The following PDE1A variants were observed in gnomAD, a reference collection of about 807,000 sequenced individuals.
PDE1A encodes dual specificity calcium/calmodulin-dependent 3',5'-cyclic nucleotide phosphodiesterase 1A.
A neutral mutation model predicts 61.7 loss-of-function variants in PDE1A; 35 were observed. The ratio of observed to expected loss-of-function variants is 0.57; its 90% CI spans 0.43 to 0.75. The LOEUF is 0.75. Ranked by LOEUF, PDE1A falls within the 30% of genes least tolerant of loss-of-function variation. The probability of loss-of-function intolerance (pLI) is 0.00; values close to 1 mark genes in which losing one functional copy is unlikely to be tolerated. For missense variants in PDE1A, 597 were observed against 630.6 expected (o/e 0.95, Z 0.57); for synonymous variants, 232 against 213.2 (o/e 1.09, Z -0.77).
intron 1 of PDE1A, among the ~76,000 whole-genome samples, chr2:182,300,766 G>T (rs1020026186): frequency 5.3e-5 from 8 of 152,140 alleles, no homozygotes; most frequent in African/African-American, 1.9e-4. Context: ...AGAATTACAC[G>T]TCTAGTAGGA....
chr2:182,543,102 G>C, the PDE1A span, among the ~76,000 whole-genome samples: 10 of 152,150 alleles, frequency 6.6e-5, no homozygotes, highest in Non-Finnish European at 1.2e-4. Context: ...GTGGGCACTG[G>C]AAAGGGTAGC....
chr2:182,396,740 G>A (rs1171902165), intron 1 of PDE1A, among the ~76,000 whole-genome samples: 1 of 152,166 alleles, frequency 6.6e-6, no homozygotes, highest in Non-Finnish European at 1.5e-5. Flanking sequence ...AAGGATAGCT[G>A]TATTATGTTA....
intron 2 of PDE1A, among the ~76,000 whole-genome samples, chr2:182,506,146 A>T (rs181603185): frequency 6.6e-6 from 1 of 152,168 alleles, no homozygotes; most frequent in East Asian, 1.9e-4. Context: ...TCTATATAAA[A>T]TTTTTCCTTT....
At chr2:182,519,608 G>C (rs1430991134) in intron 2 of PDE1A, among the ~76,000 whole-genome samples, 1 of 151,700 alleles carries the variant, frequency 6.6e-6, no homozygotes, top group Non-Finnish European at 1.5e-5. Flanking sequence ...CTCAATAAAA[G>C]AAAACAAAAA....
In PDE1A at chr2:182,200,535, G is replaced by A. The variant is rs75141789; in HGVS notation, c.1125+904C>T. Among the ~76,000 whole-genome samples the A allele has an allele frequency of 3.7e-4, 56 of 152,308 alleles. No individual in the cohort carries two copies. In the East Asian group the frequency reaches 9.3e-3, roughly 25 times the overall value. Reference sequence around the variant, plus strand: ...GTACTCGCTAACTCCACTGGAAATAGCAAGGAAGCTCTGCATCCAAGACCC... The same window carrying A: ...GTACTCGCTAACTCCACTGGAAATAACAAGGAAGCTCTGCATCCAAGACCC... On this transcript the variant is annotated intron_variant, in intron 10 of 13. Coordinates refer to ENST00000351439, the Ensembl canonical transcript of PDE1A.
chr2:182,344,020 G>A (rs1698363889), intron 1 of PDE1A, among the ~76,000 whole-genome samples: 1 of 151,914 alleles, frequency 6.6e-6, no homozygotes, highest in East Asian at 1.9e-4. Context: ...ACAGGCACAC[G>A]CCACCATGCC....
At chr2:182,447,202 T>G (rs936458769) in intron 2 of PDE1A, among the ~76,000 whole-genome samples, 5 of 151,876 alleles carry the variant, frequency 3.3e-5, no homozygotes, top group Admixed American at 6.6e-5. Flanking sequence ...CTTTATAAAT[T>G]TTCATGTTCC....
intron 2 of PDE1A, among the ~76,000 whole-genome samples, chr2:182,436,856 C>T (rs1005355056): frequency 6.6e-6 from 1 of 151,970 alleles, no homozygotes; most frequent in Non-Finnish European, 1.5e-5. Context: ...TGATGCTGAC[C>T]TCTTTGTTCT....
At chr2:182,344,652 G>A (rs1199403338) in intron 1 of PDE1A, among the ~76,000 whole-genome samples, 1 of 152,106 alleles carries the variant, frequency 6.6e-6, no homozygotes, top group South Asian at 2.1e-4. Context: ...AAAACTGCTT[G>A]CATCTTTAAA....
chr2:182,483,959 C>CTA (rs1247003039), intron 2 of PDE1A, among the ~76,000 whole-genome samples: 6 of 150,874 alleles, frequency 4.0e-5, no homozygotes, highest in Non-Finnish European at 8.9e-5. Flanking sequence ...ATTAAAAGAA[C>CTA]TATAAGAGAA....
At chr2:182,262,955 A>ATG (rs60469609) in intron 2 of PDE1A, among the ~76,000 whole-genome samples, 2,397 of 147,238 alleles carry the variant, frequency 0.016, 32 homozygotes, top group South Asian at 0.047. Flanking sequence ...TTATTAAACA[A>ATG]TGTGTGTGTG....
chr2:182,177,848 A>G (rs931413944), intron 13 of PDE1A, among the ~76,000 whole-genome samples: 8 of 152,202 alleles, frequency 5.3e-5, no homozygotes, highest in African/African-American at 1.4e-4. Context: ...TTTGTGTCAC[A>G]TGATTCAGTT....
chr2:182,510,737 G>C (rs1485972058), intron 2 of PDE1A, among the ~76,000 whole-genome samples: 3 of 152,158 alleles, frequency 2.0e-5, no homozygotes, highest in Admixed American at 2.0e-4. Context: ...GCTACCTCAA[G>C]ATGTTGACTT....
chr2:182,452,414 T>C (rs1437179880), intron 2 of PDE1A, among the ~76,000 whole-genome samples: 3 of 152,260 alleles, frequency 2.0e-5, no homozygotes, highest in African/African-American at 7.2e-5. Context: ...CTGAAAAACA[T>C]TGATAAGTGC....
rs193273766 is a variant in PDE1A, at chr2:182,489,760, T to C, written c.101+32516A>G. Among the ~76,000 whole-genome samples the C allele has an allele frequency of 4.3e-4, 65 of 152,284 alleles. No individual in the cohort carries two copies. In the South Asian group the frequency reaches 8.3e-3, roughly 19 times the overall value. On this transcript the variant is annotated intron_variant, in intron 2 of 14. Coordinates refer to the PDE1A transcript ENST00000410103. ...AGAAGGACAAAAGGGGAAAATTGAA[T>C]TTGGTTTTGGAAATGTTCAGTCTGA...
the PDE1A span, among the ~76,000 whole-genome samples, chr2:182,589,005 T>G: frequency 6.7e-6 from 1 of 150,254 alleles, no homozygotes. Context: ...ATGGCACCAT[T>G]GCACTCCAGC....
At chr2:182,353,032 A>C (rs76370585) in intron 1 of PDE1A, among the ~76,000 whole-genome samples, 2,031 of 152,320 alleles carry the variant, frequency 0.013, 57 homozygotes, top group East Asian at 0.071. Context: ...GAGCTAGTTA[A>C]ATATAAACAT....
At chr2:182,569,759 C>T in the PDE1A span, among the ~76,000 whole-genome samples, 1 of 152,208 alleles carries the variant, frequency 6.6e-6, no homozygotes, top group Admixed American at 6.5e-5. Flanking sequence ...TAACAATTAA[C>T]AATCTTCTGC....
the PDE1A span, among the ~76,000 whole-genome samples, chr2:182,671,232 C>T: frequency 6.1e-5 from 9 of 148,666 alleles, no homozygotes; most frequent in Non-Finnish European, 1.2e-4. Context: ...AGTGCAGTGG[C>T]GCGATCTCAG....
Sources: allele counts gnomAD v4.1 joint callset (sites outside exome capture counted in the v4.1 genomes callset), GRCh38; gene constraint gnomAD v4.1.1; transcripts MANE v1.5; gene names NCBI Gene and HGNC (gene_info 2026-07-23, HGNC 2026-07-21).